The following TTLL9 variants were observed in gnomAD, a reference collection of about 807,000 sequenced individuals.
The protein encoded by TTLL9 is tubulin tyrosine ligase like 9, also known as probable tubulin polyglutamylase TTLL9.
A neutral mutation model predicts 65.6 loss-of-function variants in TTLL9; 47 were observed. That is an observed-to-expected ratio of 0.72 (90% CI 0.57 to 0.91). The LOEUF (loss-of-function observed/expected upper bound fraction) is 0.91, where lower values mean the gene tolerates loss of function less well. Ranked by LOEUF, TTLL9 falls within the 40% of genes least tolerant of loss-of-function variation. The pLI is 0.00. For synonymous variants in TTLL9, 179 were observed against 204.8 expected, an observed-to-expected ratio of 0.87 and a Z score of 1.07; for missense variants, 537 against 568.8, an observed-to-expected ratio of 0.94 and a Z score of 0.57.
At chr20:31,890,100 CCCTTCCTTCCTTCCTTCCTTCCTT>C (rs1286424316) in intron 3 of TTLL9, among the ~76,000 whole-genome samples, 2 of 50,040 alleles carry the variant, frequency 4.0e-5, no homozygotes, top group African/African-American at 1.8e-4. Context: ...TTCTTTCCCT[CCCTTCCTTCCTTCCTTCCTTCCTT>C]CCTTCCTTCC....
chr20:31,919,751 G>T (rs74399667), intron 6 of TTLL9, 113 bp from the exon 7 acceptor site: 36,650 of 802,500 alleles, frequency 0.046, 1,359 homozygotes, highest in African/African-American at 0.15. Flanking sequence ...GGGGAGAGTT[G>T]GGGGTTCATA....
In TTLL9 at chr20:31,934,799, C is replaced by G; in HGVS notation, c.915C>G (p.Ser305Arg). ...FRDIDNIFVK[S>R]LQSVQKVIIS... ...ACATCGACAACATCTTTGTCAAAAG[C>G]CTGCAGAGTGTGCAGAAGGTGATCA... Residue 305 changes from serine (S) to arginine (R), a missense_variant, in exon 12 of 15, where the codon AGC (serine) becomes AGG (arginine). Physicochemically the swap from Ser to Arg is moderately radical, Grantham distance 110. Coordinates refer to ENST00000535842, the MANE Select transcript of TTLL9 (RefSeq NM_001008409.5). 1 of 1,613,990 alleles carries G rather than the reference C, an allele frequency of 6.2e-7. No individual in the cohort carries two copies. Among genetic ancestry groups the G allele is most frequent in the Non-Finnish European group, 8.5e-7 (1 of 1,180,032 alleles).
At chr20:31,925,112 TG>T in intron 9 of TTLL9, 63 bp downstream of exon 9, 1 of 1,483,814 alleles carries the variant, frequency 6.7e-7, no homozygotes, top group Non-Finnish European at 9.2e-7. Context: ...GCTAGGGAGA[TG>T]GGGGGAAGAG....
rs201726003 is a variant in TTLL9 at position 31,920,373 on chromosome 20, AGAC to A, written c.573+442_573+444del. Among the ~76,000 whole-genome samples the A allele has an allele frequency of 8.5e-3, 1,298 of 152,244 alleles. 6 individuals are homozygous for A. Among genetic ancestry groups the A allele is most frequent in the Non-Finnish European group, 0.014 (927 of 68,002 alleles). ...TTTGGCTGACTCTTCCTCAGGGCCTAGACTGAGCCTCGGGGGCAGCTACCTCCC... is the reference window on the plus strand; with the variant it reads ...TTTGGCTGACTCTTCCTCAGGGCCTATGAGCCTCGGGGGCAGCTACCTCCC... On this transcript the variant is annotated intron_variant, in intron 7 of 14. Coordinates refer to ENST00000535842, the MANE Select transcript of TTLL9 (RefSeq NM_001008409.5).
At chr20:31,927,773 C>T (rs570464182) in intron 10 of TTLL9, among the ~76,000 whole-genome samples, 114 of 152,246 alleles carry the variant, frequency 7.5e-4, no homozygotes, top group African/African-American at 2.7e-3. Context: ...ATGGGGGTGA[C>T]GCTCCCCAGC....
chr20:31,935,028 C>T, intron 12 of TTLL9, 140 bp downstream of exon 12: 1 of 808,086 alleles, frequency 1.2e-6, no homozygotes, highest in South Asian at 1.8e-5. Context: ...TCAATTTGCC[C>T]ATTTGTAAAT....
At chr20:31,898,628 T>A in intron 4 of TTLL9, 63 bp downstream of exon 4, 1 of 1,499,668 alleles carries the variant, frequency 6.7e-7, no homozygotes, top group Admixed American at 1.8e-5. Flanking sequence ...TGTCTTCCTT[T>A]GTTTTTCTCC....
intron 2 of TTLL9, among the ~76,000 whole-genome samples, chr20:31,880,058 C>T (rs1478534690): frequency 6.6e-6 from 1 of 151,800 alleles, no homozygotes; most frequent in African/African-American, 2.4e-5. Flanking sequence ...ATTCCGAAAA[C>T]AGGAAGAAAA....
chr20:31,885,511 G>A (rs73119971), intron 2 of TTLL9, among the ~76,000 whole-genome samples: 22,499 of 152,160 alleles, frequency 0.15, 1,961 homozygotes, highest in Non-Finnish European at 0.19. Context: ...GCATGAGAGA[G>A]GATTAAAGAT....
In TTLL9 at chr20:31,932,502, C is replaced by G. The variant is rs6058495; in HGVS notation, c.749-1298C>G. ...AAAAAAAAAGGTCTAAAGAAGACGT[C>G]TAGGAAAAAGATGCTAAAGAGTAAA... is the stretch of plus-strand genomic sequence containing the variant. On this transcript the variant is annotated intron_variant, in intron 10 of 14. Coordinates refer to ENST00000535842, the MANE Select transcript of TTLL9 (RefSeq NM_001008409.5). Among the ~76,000 whole-genome samples, 314 of 131,830 alleles carry G rather than the reference C, an allele frequency of 2.4e-3. 1 individual carries two copies. The highest frequency in any genetic ancestry group is 9.4e-3 in the African/African-American group (307 of 32,726). The allele number at this position is 131,830 out of a possible 152,430, so 86.5% of individuals were successfully genotyped here.
At chr20:31,879,332 C>T (rs1160848950) in intron 2 of TTLL9, among the ~76,000 whole-genome samples, 1 of 151,862 alleles carries the variant, frequency 6.6e-6, no homozygotes, top group Non-Finnish European at 1.5e-5. Context: ...AACAAACAAA[C>T]AAAAAAACTA....
At position 31,874,410 on chromosome 20, in the gene TTLL9, T is replaced by A. The variant is rs780361788; in HGVS notation, c.69+3215T>A. Among the ~76,000 whole-genome samples the A allele has an allele frequency of 1.6e-3, 160 of 98,390 alleles. 1 individual carries two copies. The highest frequency in any genetic ancestry group is 4.3e-4 in the Non-Finnish European group (24 of 55,928). The allele number at this position is 98,390 out of a possible 152,430, so 64.5% of individuals were successfully genotyped here. On this transcript the variant is annotated intron_variant, in intron 2 of 14. Transcript: ENST00000535842. ...AATTAAAGTTGCTAATTAGCTGATC[T>A]TTTTTTTTTTTTTTTTTTTGAGACA...
intron 10 of TTLL9, among the ~76,000 whole-genome samples, chr20:31,928,860 C>T (rs376206044): frequency 1.8e-3 from 271 of 152,264 alleles, no homozygotes; most frequent in African/African-American, 6.4e-3. Flanking sequence ...AAAGGATGTT[C>T]GTGATTCACC....
intron 2 of TTLL9, among the ~76,000 whole-genome samples, chr20:31,876,707 G>T (rs2063043339): frequency 6.6e-6 from 1 of 152,152 alleles, no homozygotes; most frequent in African/African-American, 2.4e-5. Context: ...TGTAAGGTGT[G>T]TGCATTTTCA....
chr20:31,934,961 C>A, intron 12 of TTLL9, 73 bp downstream of exon 12: 1 of 1,365,848 alleles, frequency 7.3e-7, no homozygotes, highest in Non-Finnish European at 1.0e-6. Context: ...AGGTTTGAAT[C>A]CCAGCTCTGC....
chr20:31,886,767 T>A (rs1010566583), intron 2 of TTLL9, among the ~76,000 whole-genome samples: 2 of 152,152 alleles, frequency 1.3e-5, no homozygotes, highest in Non-Finnish European at 2.9e-5. Flanking sequence ...TGCAGAGAGC[T>A]GAGATTACAC....
intron 14 of TTLL9, among the ~76,000 whole-genome samples, chr20:31,941,902 A>C (rs2064216883): frequency 6.6e-6 from 1 of 152,196 alleles, no homozygotes; most frequent in African/African-American, 2.4e-5. Context: ...TGATGAACTG[A>C]GTTAGGGAAG....
chr20:31,944,102 C>CCAGA lies in TTLL9; in HGVS notation c.*1082_*1085dup, dbSNP rs774822348. 1.8e-4 allele frequency: 60 copies of CCAGA among 328,522 alleles called. 1 individual carries two copies. Among genetic ancestry groups the CCAGA allele is most frequent in the Admixed American group, 1.3e-3 (34 of 26,054 alleles). The allele number at this position is 328,522 out of a possible 1,614,324, so 20.4% of individuals were successfully genotyped here. On this transcript the variant is annotated 3_prime_UTR_variant, in exon 15 of 15. Transcript: ENST00000535842. ...AGTGAACCAGCCGACTTTAGGAAAGCCAGAAGCCAGGCTACTCTAGACCTT... is the reference window on the plus strand; with the variant it reads ...AGTGAACCAGCCGACTTTAGGAAAGCCAGACAGAAGCCAGGCTACTCTAGACCTT...
chr20:31,920,255 TCA>T (rs1199919470), intron 7 of TTLL9, among the ~76,000 whole-genome samples: 1 of 142,154 alleles, frequency 7.0e-6, no homozygotes. Context: ...ACACACATTC[TCA>T]CACACACCCA....
Sources: allele counts gnomAD v4.1 joint callset (sites outside exome capture counted in the v4.1 genomes callset), GRCh38; gene constraint gnomAD v4.1.1; transcripts MANE v1.5; gene names NCBI Gene and HGNC (gene_info 2026-07-23, HGNC 2026-07-21).